Variants in RYR2 observed in about 807,000 individuals in gnomAD.
RYR2 encodes the protein cardiac muscle ryanodine receptor-calcium release channel.
RYR2 carries 227 observed loss-of-function variants against 601.1 expected under a neutral mutation model. That is an observed-to-expected ratio of 0.38 (90% confidence interval 0.34 to 0.42). RYR2 has a LOEUF of 0.42. Ranked by LOEUF, RYR2 falls within the 10% of genes least tolerant of loss-of-function variation. The probability of loss-of-function intolerance (pLI) is 1.00; values close to 1 mark genes in which losing one functional copy is unlikely to be tolerated. For missense variants in RYR2, 4,646 were observed against 6,156.5 expected, an observed-to-expected ratio of 0.75 and a Z score of 8.21; for synonymous variants, 2,223 against 2,175.1, an observed-to-expected ratio of 1.02 and a Z score of -0.61.
intron 8 of RYR2, among the ~76,000 whole-genome samples, chr1:237,386,183 CTT>C (rs1701941879): frequency 6.6e-6 from 1 of 152,166 alleles, no homozygotes; most frequent in African/African-American, 2.4e-5. Context: ...AACTTTCAAT[CTT>C]ATTCATTGGA....
chr1:237,610,976 C>G lies in RYR2; in HGVS notation c.4898C>G (p.Pro1633Arg). Residue 1633 changes from proline (P) to arginine (R), a missense_variant, in exon 36 of 105, where the codon CCT becomes CGT. Coordinates refer to ENST00000366574, the MANE Select transcript of RYR2 (RefSeq NM_001035.3). The surrounding 1 kb of genome is among the most constrained non-coding windows in gnomAD (Gnocchi z 4.9). ...CTGCAGTTCATGTCTCTTCATATCC[C>G]TGAGGAAAACAGGTCAGCCCCAGTG... ...DPLQFMSLHIPEENRSVDILE... is the reference protein window; with the variant it reads ...DPLQFMSLHIREENRSVDILE... The G allele has an allele frequency of 6.2e-7, 1 of 1,612,216 alleles. No individual in the cohort carries two copies. The highest frequency in any genetic ancestry group is 8.5e-7 in the Non-Finnish European group (1 of 1,179,144).
intron 17 of RYR2, among the ~76,000 whole-genome samples, chr1:237,482,308 A>AT (rs906683393): frequency 5.9e-5 from 9 of 151,972 alleles, no homozygotes; most frequent in East Asian, 3.9e-4. Context: ...CATTCTTTCT[A>AT]TTTTTTTGTA....
In RYR2 at chr1:237,718,448, A is replaced by G. The variant is rs727505057; in HGVS notation, c.10495-14A>G. 1.7e-5 allele frequency: 24 copies of G among 1,425,264 alleles called. No individual in the cohort carries two copies. The highest frequency in any genetic ancestry group is 2.3e-5 in the East Asian group (1 of 43,758). 88.3% of individuals were successfully genotyped at this position (1,425,264 alleles called of 1,614,324 possible). On this transcript the variant is annotated splice_polypyrimidine_tract_variant and intron_variant, in intron 72 of 104. Transcript: ENST00000366574. ...ATAGAAGACTCCTTTTAGGTAACAT[A>G]TATTTCTTGACAGAAAGATACCGAG...
intron 24 of RYR2, among the ~76,000 whole-genome samples, chr1:237,522,730 C>G (rs1053651863): frequency 3.3e-5 from 5 of 152,170 alleles, no homozygotes; most frequent in Admixed American, 1.3e-4. Flanking sequence ...TACCAAATGC[C>G]TACCTACAGG....
intron 14 of RYR2, among the ~76,000 whole-genome samples, chr1:237,450,531 C>T (rs1657958934): frequency 7.7e-6 from 1 of 129,636 alleles, no homozygotes; most frequent in Non-Finnish European, 1.8e-5. Context: ...CCGCCACTCC[C>T]CATTATACTT....
At position 237,550,589 on chromosome 1, in the gene RYR2, C is replaced by G; in HGVS notation, c.3112C>G (p.Leu1038Val). Residue 1038 changes from leucine (L) to valine (V), a missense_variant, in exon 27 of 105, where the codon CTG (leucine) becomes GTG (valine). Physicochemically the swap from Leu to Val is conservative, Grantham distance 32. This residue lies in a region of RYR2 where 1,807 missense variants were observed against 2,088.1 expected (regional missense o/e 0.87). Coordinates refer to ENST00000366574, the MANE Select transcript of RYR2 (RefSeq NM_001035.3). ...RNPRLVPYTL[L>V]DDRTKKSNKD... ...TCCTCGCCTTGTTCCCTACACTCTT[C>G]TGGATGACCGAACCAAGAAATCCAA... is the stretch of plus-strand genomic sequence containing the variant. 1.2e-6 allele frequency: 2 copies of G among 1,606,972 alleles called. No individual in the cohort carries two copies. Among genetic ancestry groups the G allele is most frequent in the Non-Finnish European group, 1.7e-6 (2 of 1,176,644 alleles).
chr1:237,382,192 A>G (rs1701578127), intron 8 of RYR2, among the ~76,000 whole-genome samples: 1 of 152,196 alleles, frequency 6.6e-6, no homozygotes, highest in Non-Finnish European at 1.5e-5. Context: ...AGGTTACTTA[A>G]TGAAACAGGC....
At chr1:237,279,735 A>G (rs1690662428) in intron 2 of RYR2, among the ~76,000 whole-genome samples, 1 of 152,228 alleles carries the variant, frequency 6.6e-6, no homozygotes, top group Non-Finnish European at 1.5e-5. Flanking sequence ...ATAGTCATGC[A>G]GTGCTGCCCC....
At chr1:237,390,619 A>C (rs547040995) in intron 10 of RYR2, among the ~76,000 whole-genome samples, 2 of 152,214 alleles carry the variant, frequency 1.3e-5, no homozygotes, top group Non-Finnish European at 2.9e-5. Context: ...AGAATGGCAG[A>C]GCATAGACTT....
chr1:237,403,283 A>T (rs1703551549), intron 10 of RYR2, among the ~76,000 whole-genome samples: 2 of 152,358 alleles, frequency 1.3e-5, no homozygotes, highest in South Asian at 4.1e-4. Context: ...AAAAGCAAAA[A>T]GATATAGTAC....
chr1:237,197,656 G>A (rs1192006144), intron 1 of RYR2, among the ~76,000 whole-genome samples: 2 of 152,210 alleles, frequency 1.3e-5, no homozygotes, highest in Non-Finnish European at 2.9e-5. Context: ...GTAGGAATGA[G>A]GGTGGAAGGG....
chr1:237,508,805 G>T (rs370096495), intron 23 of RYR2, among the ~76,000 whole-genome samples: 50 of 142,978 alleles, frequency 3.5e-4, no homozygotes, highest in African/African-American at 1.1e-3. Flanking sequence ...TGCAGTGGCG[G>T]GATCTCGGCT....
intron 40 of RYR2, among the ~76,000 whole-genome samples, chr1:237,626,982 A>G (rs1679742793): frequency 6.6e-6 from 1 of 152,088 alleles, no homozygotes; most frequent in Non-Finnish European, 1.5e-5. Context: ...TTGGCATTTT[A>G]TTTGCATTTT....
At chr1:237,301,259 T>G (rs16835122) in intron 2 of RYR2, among the ~76,000 whole-genome samples, 21,322 of 152,112 alleles carry the variant, frequency 0.14, 3,128 homozygotes, top group African/African-American at 0.36. Flanking sequence ...CATCCCTGAT[T>G]GAATACATAC....
intron 2 of RYR2, among the ~76,000 whole-genome samples, chr1:237,310,575 C>T (rs958733861): frequency 6.6e-6 from 1 of 152,136 alleles, no homozygotes; most frequent in Non-Finnish European, 1.5e-5. Context: ...CTTTCCCCTC[C>T]AGCCCACTTT....
At chr1:237,502,163 A>C (rs867029127) in intron 21 of RYR2, among the ~76,000 whole-genome samples, 9 of 152,292 alleles carry the variant, frequency 5.9e-5, no homozygotes, top group East Asian at 3.9e-4. Context: ...GACACACACA[A>C]AAAAAGAATT....
chr1:237,416,540 C>T (rs1705006341), intron 10 of RYR2, among the ~76,000 whole-genome samples: 1 of 152,042 alleles, frequency 6.6e-6, no homozygotes, highest in African/African-American at 2.4e-5. Flanking sequence ...TTGCAGATTG[C>T]TGTGTTAAAA....
chr1:237,454,316 G>T, intron 14 of RYR2, 75 bp from the exon 15 acceptor site: 1 of 1,449,202 alleles, frequency 6.9e-7, no homozygotes, highest in Non-Finnish European at 9.3e-7. Context: ...ATTAATGCCT[G>T]AAATCATCTA....
intron 1 of RYR2, among the ~76,000 whole-genome samples, chr1:237,227,587 C>G (rs1657027244): frequency 6.6e-6 from 1 of 152,224 alleles, no homozygotes; most frequent in Admixed American, 6.5e-5. Flanking sequence ...ATGTTCACCT[C>G]ATGTCTGCAT....
Sources: gnomAD v4.1 joint callset for allele counts (sites outside exome capture counted in the v4.1 genomes callset) on GRCh38, gnomAD v4.1.1 for gene constraint, gnomAD v4.1.1 regional missense constraint, Gnocchi (gnomAD v3.1) non-coding constraint, MANE v1.5 for transcripts, NCBI Gene and HGNC (gene_info 2026-07-23, HGNC 2026-07-21) for gene names.